The following STK32C variants were observed in gnomAD, a reference collection of about 807,000 sequenced individuals.
STK32C encodes the protein serine/threonine-protein kinase 32C.
Under a neutral mutation model 56.5 loss-of-function variants are expected in STK32C, and 31 were observed. That is an observed-to-expected ratio of 0.55 (90% CI 0.41 to 0.74). The LOEUF is 0.74. STK32C is among the 30% of genes least tolerant of loss of function. STK32C has a pLI of 0.00. For missense variants in STK32C, 544 were observed against 676.9 expected, an observed-to-expected ratio of 0.80 and a Z score of 2.18; for synonymous variants, 309 against 289.4, an observed-to-expected ratio of 1.07 and a Z score of -0.69.
intron 1 of STK32C, among the ~76,000 whole-genome samples, chr10:132,251,181 G>A (rs1400459929): frequency 6.6e-6 from 1 of 152,224 alleles, no homozygotes; most frequent in African/African-American, 2.4e-5. Context: ...GGTGACCCCA[G>A]CTACTGGGTC....
intron 2 of STK32C, among the ~76,000 whole-genome samples, chr10:132,230,427 G>A (rs901083905): frequency 1.8e-4 from 28 of 152,338 alleles, no homozygotes; most frequent in Admixed American, 1.2e-3. Flanking sequence ...CTGCACAGGC[G>A]CAGAAGCAAC....
intron 1 of STK32C, among the ~76,000 whole-genome samples, chr10:132,315,082 A>G (rs1455960715): frequency 1.3e-5 from 2 of 152,222 alleles, no homozygotes; most frequent in African/African-American, 2.4e-5. Context: ...TGCGGTGAGC[A>G]GAGATTGCAC....
At chr10:132,282,913 G>A (rs1281620575) in intron 1 of STK32C, among the ~76,000 whole-genome samples, 4 of 152,236 alleles carry the variant, frequency 2.6e-5, no homozygotes, top group Admixed American at 1.3e-4. Context: ...GGTGGGGGGT[G>A]TTGTCATTTC....
chr10:132,220,447 G>A (rs2062600155), intron 10 of STK32C, among the ~76,000 whole-genome samples: 2 of 152,246 alleles, frequency 1.3e-5, no homozygotes, highest in Admixed American at 6.5e-5. Context: ...AAGGGAGCCT[G>A]TTGATGCTCT....
intron 1 of STK32C, among the ~76,000 whole-genome samples, chr10:132,253,144 C>T (rs2063966598): frequency 6.6e-6 from 1 of 152,254 alleles, no homozygotes; most frequent in Non-Finnish European, 1.5e-5. Context: ...CCACCATCTC[C>T]AGGCTTACCA....
rs372276651 is a variant in STK32C, at chr10:132,273,474, GGTGA to G, written c.263-27523_263-27520del. Among the ~76,000 whole-genome samples, 667 of 152,172 alleles carry G rather than the reference GGTGA, an allele frequency of 4.4e-3. 23 individuals carry two copies. In the South Asian group the frequency reaches 0.089, roughly 20 times the overall value. Reference sequence around the variant, plus strand: ...GTGAATGAAAACACAGTGAGTGAATGGTGAGTGAGTGAACGAATGCACGGTTAAT... The same window carrying G: ...GTGAATGAAAACACAGTGAGTGAATGGTGAGTGAACGAATGCACGGTTAAT... On this transcript the variant is annotated intron_variant, in intron 1 of 11. Coordinates refer to ENST00000298630, the MANE Select transcript of STK32C (RefSeq NM_173575.4).
intron 10 of STK32C, among the ~76,000 whole-genome samples, chr10:132,215,778 G>A (rs1455457694): frequency 6.6e-6 from 1 of 152,216 alleles, no homozygotes; most frequent in Non-Finnish European, 1.5e-5. Context: ...GCAGAGGCTG[G>A]AACCATCTGG....
At chr10:132,321,885 AT>A (rs1228235118), downstream of STK32C, among the ~76,000 whole-genome samples, 4 of 152,126 alleles carry the variant, frequency 2.6e-5, no homozygotes, top group African/African-American at 9.7e-5. Flanking sequence ...CGCGGGGCAC[AT>A]TTTGGCACCT....
chr10:132,243,520 T>G (rs1590236706), intron 2 of STK32C, among the ~76,000 whole-genome samples: 1 of 152,110 alleles, frequency 6.6e-6, no homozygotes, highest in East Asian at 1.9e-4. Flanking sequence ...CCCTGCTAAG[T>G]GGTTAGTCCT....
intron 10 of STK32C, among the ~76,000 whole-genome samples, chr10:132,219,610 T>C (rs565758275): frequency 8.5e-5 from 13 of 152,188 alleles, no homozygotes; most frequent in African/African-American, 2.6e-4. Flanking sequence ...AACCATCCTG[T>C]GGCTCTCAGC....
At chr10:132,240,333 T>C (rs2063457422) in intron 2 of STK32C, among the ~76,000 whole-genome samples, 1 of 152,150 alleles carries the variant, frequency 6.6e-6, no homozygotes, top group Non-Finnish European at 1.5e-5. Flanking sequence ...TCAGCCACGG[T>C]GTCACAGTCA....
intron 1 of STK32C, chr10:132,248,993 G>A (rs1400047674): frequency 2.2e-6 from 1 of 460,732 alleles, no homozygotes; most frequent in Admixed American, 2.3e-5. Flanking sequence ...GAAGCATAAG[G>A]GAGTCACGGC....
In STK32C at chr10:132,208,126, T is replaced by C; in HGVS notation, c.1345A>G (p.Arg449Gly). ...GACTCAGGGGCGGGGAGAGGCTCCC[T>C]CGGGAGGTCCTGGCTCCTCTTCAGC... ...EKLKRSQDLP[R>G]EPLPAPESRD... Residue 449 changes from arginine to glycine, a missense_variant, in exon 12 of 12, where the codon AGG (arginine) becomes GGG (glycine). By Grantham distance (125) the Arg-to-Gly change is moderately radical. This residue lies in a region of STK32C where 277 missense variants were observed against 309.3 expected (regional missense o/e 0.90). Coordinates refer to ENST00000298630, the MANE Select transcript of STK32C (RefSeq NM_173575.4). 1 of 1,310,666 alleles carries C rather than the reference T, an allele frequency of 7.6e-7. No individual in the cohort carries two copies. Among genetic ancestry groups the C allele is most frequent in the Non-Finnish European group, 9.8e-7 (1 of 1,021,370 alleles). 81.2% of individuals were successfully genotyped at this position (1,310,666 alleles called of 1,614,324 possible). A position where few individuals can be genotyped will look rare whatever the true frequency, so the allele number is the denominator to read the frequency against.
intron 1 of STK32C, among the ~76,000 whole-genome samples, chr10:132,257,358 A>G (rs1288175326): frequency 7.0e-6 from 1 of 141,930 alleles, no homozygotes; most frequent in African/African-American, 2.5e-5. Flanking sequence ...CCACAGAGGG[A>G]GACGGAGGGG....
chr10:132,318,867 TA>T (rs11356644), intron 1 of STK32C, among the ~76,000 whole-genome samples: 53,710 of 147,354 alleles, frequency 0.36, 11,578 homozygotes, highest in African/African-American at 0.61. Context: ...TTGCCATAAT[TA>T]AAAAAAAAAA....
At chr10:132,322,692 C>T (rs1280992863), downstream of STK32C, among the ~76,000 whole-genome samples, 1 of 152,192 alleles carries the variant, frequency 6.6e-6, no homozygotes, top group East Asian at 1.9e-4. Flanking sequence ...AAGCCCTTCC[C>T]AGGACCATAC....
At chr10:132,225,851 C>T in intron 4 of STK32C, 67 bp from the exon 5 acceptor site, 1 of 1,603,616 alleles carries the variant, frequency 6.2e-7, no homozygotes, top group Non-Finnish European at 8.5e-7. Flanking sequence ...GAATCTCTGT[C>T]ACAATCCCTG....
chr10:132,278,532 C>T lies in STK32C; in HGVS notation c.262+29040G>A, dbSNP rs576457959. On this transcript the variant is annotated intron_variant, in intron 1 of 11. Coordinates refer to ENST00000298630, the MANE Select transcript of STK32C (RefSeq NM_173575.4). The stretch of plus-strand genomic sequence containing the variant: ...ATCCCAGCACTTTGAGAGGCTGAGG[C>T]GGGTGGATCACGAAGTCAGGAGATC... 9.9e-5 allele frequency among the ~76,000 whole-genome samples: 15 copies of T among 152,022 alleles called. No homozygotes were observed. In the East Asian group the frequency reaches 2.3e-3, roughly 24 times the overall value.
rs57916082 is a variant in STK32C at position 132,281,654 on chromosome 10, C to T, written c.262+25918G>A. Among the ~76,000 whole-genome samples the T allele has an allele frequency of 5.0e-3, 758 of 152,312 alleles. 5 individuals are homozygous for T. Among genetic ancestry groups the T allele is most frequent in the African/African-American group, 0.017 (721 of 41,578 alleles). On this transcript the variant is annotated intron_variant, in intron 1 of 11. Transcript: ENST00000298630. ...GAAATCTTCTATCAGAAAAGGGCTC[C>T]GGTTGGAAAGCACTGTTGCGGACAG...
Sources: gnomAD v4.1 joint callset for allele counts (sites outside exome capture counted in the v4.1 genomes callset) on GRCh38, gnomAD v4.1.1 for gene constraint, gnomAD v4.1.1 regional missense constraint, MANE v1.5 for transcripts, NCBI Gene and HGNC (gene_info 2026-07-23, HGNC 2026-07-21) for gene names.